Variants in FABP12 observed in about 807,000 individuals in gnomAD.
The protein encoded by FABP12 is fatty acid binding protein 12.
Under a neutral mutation model 13.7 loss-of-function variants are expected in FABP12, and 19 were observed. That is an observed-to-expected ratio of 1.39 (90% CI 0.97 to 2.04). The LOEUF (loss-of-function observed/expected upper bound fraction) is 2.04. Among genes scored for constraint, FABP12 ranks in the 30% most tolerant of loss-of-function variants. The pLI is 0.00. For missense variants in FABP12, 182 were observed against 164.2 expected (o/e 1.11, Z -0.59); for synonymous variants, 61 against 57.0 (o/e 1.07, Z -0.32).
chr8:81,555,959 G>A (rs528222786), intron 1 of FABP12, among the ~76,000 whole-genome samples: 2 of 152,000 alleles, frequency 1.3e-5, no homozygotes, highest in Non-Finnish European at 2.9e-5. Context: ...TATAGTTTGC[G>A]AGCATGTAGG....
At chr8:81,575,999 C>T (rs1810038601) in intron 1 of FABP12, among the ~76,000 whole-genome samples, 1 of 152,168 alleles carries the variant, frequency 6.6e-6, no homozygotes, top group Non-Finnish European at 1.5e-5. Flanking sequence ...TTCTATATAG[C>T]TAATCAGAAG....
chr8:81,525,527 A>AT (rs1260043214), intron 4 of FABP12, among the ~76,000 whole-genome samples: 2 of 145,904 alleles, frequency 1.4e-5, no homozygotes, highest in African/African-American at 5.3e-5. Context: ...AAAAAAAAAA[A>AT]AAATAGATAG....
chr8:81,537,718 C>T (rs530902169), upstream of FABP12, among the ~76,000 whole-genome samples: 15 of 152,134 alleles, frequency 9.9e-5, no homozygotes, highest in South Asian at 1.7e-3. Context: ...TCATGAGGCT[C>T]AGGGTGTTTC....
At chr8:81,574,773 T>C (rs1810004302) in intron 1 of FABP12, among the ~76,000 whole-genome samples, 1 of 152,194 alleles carries the variant, frequency 6.6e-6, no homozygotes, top group Non-Finnish European at 1.5e-5. Context: ...ATGTTTTGTA[T>C]TAGAGTCGTG....
At chr8:81,577,360 G>A (rs1433298915) in intron 1 of FABP12, among the ~76,000 whole-genome samples, 2 of 152,144 alleles carry the variant, frequency 1.3e-5, no homozygotes, top group African/African-American at 4.8e-5. Flanking sequence ...CCAAGAATAT[G>A]TTGTATTAAT....
At chr8:81,560,930 G>A (rs755010508) in intron 1 of FABP12, among the ~76,000 whole-genome samples, 1 of 152,184 alleles carries the variant, frequency 6.6e-6, no homozygotes, top group African/African-American at 2.4e-5. Context: ...TATCTTCAGG[G>A]TGTTACTGTG....
At position 81,567,292 on chromosome 8, in the gene FABP12, A is replaced by T. The variant is rs1028799466; in HGVS notation, c.-185+22761T>A. Among the ~76,000 whole-genome samples, 4 of 152,242 alleles carry T rather than the reference A, an allele frequency of 2.6e-5. No individual in the cohort carries two copies. In the East Asian group the frequency reaches 7.7e-4, roughly 29 times the overall value. On this transcript the variant is annotated intron_variant, in intron 1 of 5. Transcript: ENST00000692030. Reference sequence around the variant, plus strand: ...CTATCAAAATACCAACGATCTGCACAGAAATAGAAAAAATAATCCTAAAAT... The same window carrying T: ...CTATCAAAATACCAACGATCTGCACTGAAATAGAAAAAATAATCCTAAAAT...
intron 1 of FABP12, among the ~76,000 whole-genome samples, chr8:81,545,028 CT>C (rs1468366045): frequency 1.3e-5 from 2 of 152,108 alleles, no homozygotes; most frequent in East Asian, 3.9e-4. Context: ...TTGGGTAACT[CT>C]TTTTCTTTTT....
At chr8:81,567,108 G>T (rs1213632056) in intron 1 of FABP12, among the ~76,000 whole-genome samples, 1 of 151,980 alleles carries the variant, frequency 6.6e-6, no homozygotes, top group East Asian at 1.9e-4. Context: ...AGAAGTAAAA[G>T]ATCTTCAATG....
At chr8:81,531,656 G>A (rs1178662737) in intron 1 of FABP12, among the ~76,000 whole-genome samples, 1 of 152,124 alleles carries the variant, frequency 6.6e-6, no homozygotes, top group Non-Finnish European at 1.5e-5. Flanking sequence ...TGTAAGAGCT[G>A]GGCCTGGACA....
chr8:81,532,689 A>G (rs913772903), intron 1 of FABP12, among the ~76,000 whole-genome samples: 9 of 152,170 alleles, frequency 5.9e-5, no homozygotes, highest in African/African-American at 2.2e-4. Context: ...GGCATGGTGC[A>G]ACGCACCTGT....
At chr8:81,570,955 G>A (rs1239113015) in intron 1 of FABP12, among the ~76,000 whole-genome samples, 2 of 151,860 alleles carry the variant, frequency 1.3e-5, no homozygotes, top group Non-Finnish European at 2.9e-5. Context: ...ACCCCCTTCT[G>A]CCCAGGAGCC....
At chr8:81,529,751 C>A (rs372581095) in intron 2 of FABP12, 141 bp from the exon 3 acceptor site, 3 of 750,062 alleles carry the variant, frequency 4.0e-6, no homozygotes, top group African/African-American at 3.5e-5. Flanking sequence ...AGGAGGTTTG[C>A]GAATTGAACA....
At chr8:81,551,641 G>A (rs1468897868) in intron 1 of FABP12, among the ~76,000 whole-genome samples, 2 of 152,148 alleles carry the variant, frequency 1.3e-5, no homozygotes, top group African/African-American at 4.8e-5. Flanking sequence ...TTTAGCTCAA[G>A]AGACACTTAA....
At chr8:81,564,716 A>G (rs1475951589) in intron 1 of FABP12, among the ~76,000 whole-genome samples, 1 of 152,092 alleles carries the variant, frequency 6.6e-6, no homozygotes, top group Non-Finnish European at 1.5e-5. Context: ...AAAAGCAATT[A>G]AAAGATACAA....
At chr8:81,569,925 G>T (rs568407142) in intron 1 of FABP12, among the ~76,000 whole-genome samples, 1 of 152,338 alleles carries the variant, frequency 6.6e-6, no homozygotes, top group Admixed American at 6.5e-5. Flanking sequence ...GGCCTGGCAG[G>T]CTGCACTCAG....
At chr8:81,537,012 T>G (rs142484993), upstream of FABP12, among the ~76,000 whole-genome samples, 2 of 152,316 alleles carry the variant, frequency 1.3e-5, no homozygotes, top group African/African-American at 4.8e-5. Flanking sequence ...GGATCATAAC[T>G]TAACAACTAC....
chr8:81,534,760 T>C (rs146136832), upstream of FABP12, among the ~76,000 whole-genome samples: 1,293 of 152,138 alleles, frequency 8.5e-3, 51 homozygotes, highest in Admixed American at 0.067. Context: ...CTAGCCAACA[T>C]GGCAAAACCC....
chr8:81,527,678 A>G (rs1371099295), intron 3 of FABP12, among the ~76,000 whole-genome samples: 2 of 152,098 alleles, frequency 1.3e-5, no homozygotes. Context: ...TGTTCTTTTT[A>G]TCTTTGACTG....
Sources: gnomAD v4.1 joint callset for allele counts (sites outside exome capture counted in the v4.1 genomes callset) on GRCh38, gnomAD v4.1.1 for gene constraint, MANE v1.5 for transcripts, NCBI Gene and HGNC (gene_info 2026-07-23, HGNC 2026-07-21) for gene names.